The following CBFA2T2 variants were observed in gnomAD, a reference collection of about 807,000 sequenced individuals.
The protein encoded by CBFA2T2 is protein CBFA2T2.
A neutral mutation model predicts 62.2 loss-of-function variants in CBFA2T2; 11 were observed. The observed-to-expected ratio is 0.18, with a 90% CI of 0.11 to 0.29. The LOEUF is 0.29. CBFA2T2 is among the 10% of genes least tolerant of loss of function. CBFA2T2 has a pLI of 1.00. For missense variants in CBFA2T2, 592 were observed against 774.1 expected (o/e 0.76, Z 2.79); for synonymous variants, 295 against 287.5 (o/e 1.03, Z -0.27).
intron 1 of CBFA2T2, among the ~76,000 whole-genome samples, chr20:33,589,977 G>A (rs1481184086): frequency 6.6e-6 from 1 of 152,024 alleles, no homozygotes; most frequent in Admixed American, 6.6e-5. Flanking sequence ...TTGGGGTCTG[G>A]CATGGTGGCT....
intron 1 of CBFA2T2, among the ~76,000 whole-genome samples, chr20:33,495,978 G>T (rs1309697761): frequency 2.0e-5 from 3 of 152,178 alleles, no homozygotes; most frequent in African/African-American, 4.8e-5. Context: ...GTGGCTGAGG[G>T]TATACCATCT....
At chr20:33,560,613 T>C (rs971876535) in intron 1 of CBFA2T2, among the ~76,000 whole-genome samples, 1 of 152,210 alleles carries the variant, frequency 6.6e-6, no homozygotes, top group African/African-American at 2.4e-5. Flanking sequence ...AAGTTGCCCT[T>C]GACAGAAATA....
intron 3 of CBFA2T2, among the ~76,000 whole-genome samples, chr20:33,616,686 C>A (rs2015724282): frequency 6.6e-6 from 1 of 151,048 alleles, no homozygotes. Flanking sequence ...GAGATCACAC[C>A]ACTGCACTCC....
At chr20:33,588,806 G>A (rs972714577) in intron 1 of CBFA2T2, among the ~76,000 whole-genome samples, 13 of 152,096 alleles carry the variant, frequency 8.5e-5, no homozygotes, top group African/African-American at 1.4e-4. Context: ...AATTAGCCAG[G>A]CATGGTGGCA....
chr20:33,498,617 C>T (rs2011230837), intron 1 of CBFA2T2, among the ~76,000 whole-genome samples: 1 of 152,076 alleles, frequency 6.6e-6, no homozygotes, highest in Non-Finnish European at 1.5e-5. Flanking sequence ...ATGGTGGTGC[C>T]ACTCAGCTGT....
chr20:33,545,873 G>A (rs2012551294), intron 1 of CBFA2T2, among the ~76,000 whole-genome samples: 1 of 152,206 alleles, frequency 6.6e-6, no homozygotes, highest in African/African-American at 2.4e-5. Flanking sequence ...TGAAGCAAAT[G>A]TAAATAGTAG....
chr20:33,529,028 G>T (rs992998903), intron 1 of CBFA2T2, among the ~76,000 whole-genome samples: 61 of 151,688 alleles, frequency 4.0e-4, no homozygotes, highest in Admixed American at 2.3e-3. Flanking sequence ...TGTTTTTTTT[G>T]TTTGTTTGTT....
chr20:33,575,148 A>G (rs959956437), intron 1 of CBFA2T2, among the ~76,000 whole-genome samples: 1 of 152,186 alleles, frequency 6.6e-6, no homozygotes, highest in Non-Finnish European at 1.5e-5. Context: ...CTGCTATGCG[A>G]GGTAGCTGTG....
chr20:33,509,527 C>T (rs1456459783), intron 1 of CBFA2T2, among the ~76,000 whole-genome samples: 1 of 151,596 alleles, frequency 6.6e-6, no homozygotes, highest in Non-Finnish European at 1.5e-5. Context: ...CTAAATTTTT[C>T]CTTATTTGAA....
chr20:33,506,466 TAAC>T (rs1364047941), intron 1 of CBFA2T2, among the ~76,000 whole-genome samples: 1 of 152,276 alleles, frequency 6.6e-6, no homozygotes. Flanking sequence ...GTGAAACCAT[TAAC>T]AACTGTATTA....
At chr20:33,544,617 G>A (rs961648808) in intron 1 of CBFA2T2, among the ~76,000 whole-genome samples, 5 of 151,880 alleles carry the variant, frequency 3.3e-5, no homozygotes, top group East Asian at 1.9e-4. Context: ...GCGCGATCTC[G>A]GCTCACTGTA....
chr20:33,625,593 A>G (rs1167975078), intron 6 of CBFA2T2, among the ~76,000 whole-genome samples: 4 of 152,256 alleles, frequency 2.6e-5, no homozygotes, highest in Non-Finnish European at 5.9e-5. Context: ...AAGATATGTG[A>G]GAATTCTTTG....
chr20:33,603,361 C>G (rs1388218981), intron 1 of CBFA2T2, among the ~76,000 whole-genome samples: 2 of 152,208 alleles, frequency 1.3e-5, no homozygotes, highest in Admixed American at 1.3e-4. Flanking sequence ...TTCAGACATA[C>G]TTTTCCATTT....
chr20:33,600,488 T>C, intron 1 of CBFA2T2: 1 of 415,508 alleles, frequency 2.4e-6, no homozygotes, highest in South Asian at 1.7e-5. Flanking sequence ...GCACCCGGCC[T>C]GGAAATTCTT....
chr20:33,641,134 G>A (rs544397576), intron 10 of CBFA2T2, among the ~76,000 whole-genome samples: 2 of 152,058 alleles, frequency 1.3e-5, no homozygotes, highest in African/African-American at 4.8e-5. Context: ...CTGGGTTCAC[G>A]CCATTCTCCT....
chr20:33,610,871 T>C (rs1350944304), intron 2 of CBFA2T2, among the ~76,000 whole-genome samples: 1 of 152,188 alleles, frequency 6.6e-6, no homozygotes, highest in Non-Finnish European at 1.5e-5. Context: ...TCCCTTCTTA[T>C]TGCTCTGGGA....
chr20:33,644,892 G>A lies in CBFA2T2; in HGVS notation c.*246G>A, dbSNP rs1214039661. The A allele has an allele frequency of 2.0e-6, 1 of 508,340 alleles. No individual in the cohort carries two copies. The allele number at this position is 508,340 out of a possible 1,614,324, so 31.5% of individuals were successfully genotyped here. On this transcript the variant is annotated 3_prime_UTR_variant, in exon 11 of 11. Coordinates refer to ENST00000342704, the MANE Select transcript of CBFA2T2 (RefSeq NM_001032999.3). ...GAGCTGCCTCCTCCATGGCTTTCCT[G>A]GTTTGTTCCTCTCTCCACTGAAGCT...
At chr20:33,614,477 A>G (rs1159812263) in intron 3 of CBFA2T2, among the ~76,000 whole-genome samples, 1 of 152,206 alleles carries the variant, frequency 6.6e-6, no homozygotes, top group African/African-American at 2.4e-5. Flanking sequence ...AAGTATATTC[A>G]TATTATCATA....
intron 1 of CBFA2T2, among the ~76,000 whole-genome samples, chr20:33,596,719 C>G (rs893315629): frequency 2.0e-5 from 3 of 152,146 alleles, no homozygotes; most frequent in African/African-American, 7.2e-5. Flanking sequence ...TTTCCCACCC[C>G]AGGCCTCAGC....
Sources: allele counts gnomAD v4.1 joint callset (sites outside exome capture counted in the v4.1 genomes callset), GRCh38; gene constraint gnomAD v4.1.1; transcripts MANE v1.5; gene names NCBI Gene and HGNC (gene_info 2026-07-23, HGNC 2026-07-21).